CXCL13: variants seen among roughly 807,000 people sequenced by gnomAD.
CXCL13 encodes the protein C-X-C motif chemokine 13.
CXCL13 carries 7 observed loss-of-function variants against 12.2 expected under a neutral mutation model. The ratio of observed to expected loss-of-function variants is 0.57; its 90% CI spans 0.33 to 1.07. The LOEUF (loss-of-function observed/expected upper bound fraction) is 1.07. Ranked by LOEUF, CXCL13 falls within the 50% of genes least tolerant of loss-of-function variation. The pLI is 0.04. For synonymous variants in CXCL13, 47 were observed against 42.4 expected (o/e 1.11, Z -0.42); for missense variants, 113 against 127.4 (o/e 0.89, Z 0.55).
At chr4:77,566,668 G>A (rs1418875210) in intron 1 of CXCL13, among the ~76,000 whole-genome samples, 2 of 151,900 alleles carry the variant, frequency 1.3e-5, no homozygotes, top group Non-Finnish European at 2.9e-5. Flanking sequence ...TAAAATACTA[G>A]GCTATTTCAG....
At chr4:77,516,685 G>A (rs553331092) in intron 1 of CXCL13, among the ~76,000 whole-genome samples, 1 of 152,082 alleles carries the variant, frequency 6.6e-6, no homozygotes, top group Non-Finnish European at 1.5e-5. Flanking sequence ...GTGTCTATTT[G>A]ATTCTTCTCT....
At chr4:77,512,433 A>C (rs1238750985) in intron 1 of CXCL13, among the ~76,000 whole-genome samples, 1 of 152,182 alleles carries the variant, frequency 6.6e-6, no homozygotes, top group Non-Finnish European at 1.5e-5. Context: ...TAATAAAGTA[A>C]TTGTCTATCC....
intron 1 of CXCL13, among the ~76,000 whole-genome samples, chr4:77,581,254 A>G (rs1436801865): frequency 6.6e-6 from 1 of 152,250 alleles, no homozygotes; most frequent in Non-Finnish European, 1.5e-5. Flanking sequence ...TGTAAATTAT[A>G]TATCAATAAA....
intron 1 of CXCL13, among the ~76,000 whole-genome samples, chr4:77,532,388 G>T (rs1472596758): frequency 6.6e-6 from 1 of 152,110 alleles, no homozygotes; most frequent in African/African-American, 2.4e-5. Flanking sequence ...CTCTCTTCTG[G>T]CTTATAGAAT....
At chr4:77,534,282 A>T (rs1373904101) in intron 1 of CXCL13, among the ~76,000 whole-genome samples, 1 of 152,194 alleles carries the variant, frequency 6.6e-6, no homozygotes, top group East Asian at 1.9e-4. Flanking sequence ...GTTCACACAA[A>T]AACCTGCACA....
In CXCL13 at chr4:77,611,819, C is replaced by A; in HGVS notation, c.*780C>A. 2 of 397,400 alleles carry A rather than the reference C, an allele frequency of 5.0e-6. No individual in the cohort carries two copies. The highest frequency in any genetic ancestry group is 8.9e-6 in the Non-Finnish European group (2 of 225,736). 24.6% of individuals were successfully genotyped at this position (397,400 alleles called of 1,614,324 possible). A position where few individuals can be genotyped will look rare whatever the true frequency, so the allele number is the denominator to read the frequency against. On this transcript the variant is annotated 3_prime_UTR_variant, in exon 4 of 4. Coordinates refer to ENST00000682537, the MANE Select transcript of CXCL13 (RefSeq NM_001371558.1). The stretch of plus-strand genomic sequence containing the variant: ...TCTAATGACATTCAATAAAGTTGAG[C>A]AAACATTTTACTTAATTATGAGCAA...
At chr4:77,565,082 C>T (rs1249719589) in intron 1 of CXCL13, among the ~76,000 whole-genome samples, 3 of 152,192 alleles carry the variant, frequency 2.0e-5, no homozygotes, top group Non-Finnish European at 4.4e-5. Flanking sequence ...TTTTGTAGCT[C>T]AACTGTCTTC....
At chr4:77,610,086 A>G (rs1253339699) in intron 2 of CXCL13, among the ~76,000 whole-genome samples, 1 of 152,202 alleles carries the variant, frequency 6.6e-6, no homozygotes, top group East Asian at 1.9e-4. Context: ...AGCAGGAAAA[A>G]TCTTGCTAAG....
intron 1 of CXCL13, among the ~76,000 whole-genome samples, chr4:77,519,216 C>T (rs1724510848): frequency 6.6e-6 from 1 of 152,176 alleles, no homozygotes; most frequent in African/African-American, 2.4e-5. Flanking sequence ...GGGGATGCCT[C>T]CCAGTTAGGC....
At chr4:77,531,454 C>G (rs1724915400) in intron 1 of CXCL13, among the ~76,000 whole-genome samples, 1 of 151,836 alleles carries the variant, frequency 6.6e-6, no homozygotes, top group South Asian at 2.1e-4. Context: ...CTGAGGAGTG[C>G]TTTACTTCCA....
intron 1 of CXCL13, among the ~76,000 whole-genome samples, chr4:77,516,449 AG>A (rs1366051224): frequency 6.7e-6 from 1 of 149,830 alleles, no homozygotes. Context: ...GACTCCTTTT[AG>A]TGGGTAAGCT....
intron 1 of CXCL13, among the ~76,000 whole-genome samples, chr4:77,532,054 T>C (rs1724941242): frequency 6.6e-6 from 1 of 152,180 alleles, no homozygotes; most frequent in Non-Finnish European, 1.5e-5. Flanking sequence ...ACATTTAAGG[T>C]TAATATTGTT....
intron 1 of CXCL13, among the ~76,000 whole-genome samples, chr4:77,564,595 T>A (rs1725881242): frequency 1.3e-5 from 2 of 152,210 alleles, no homozygotes; most frequent in African/African-American, 4.8e-5. Context: ...ACAACAACCC[T>A]TTAAGGCATG....
Position 77,524,621 on chromosome 4 carries a change from CTG to C in CXCL13, c.-43+12835_-43+12836del, listed in dbSNP as rs370056955. On this transcript the variant is annotated intron_variant, in intron 1 of 4. Coordinates refer to the CXCL13 transcript ENST00000286758. The stretch of plus-strand genomic sequence containing the variant: ...AGTGTCCTGTTATTCCAGGTACAGT[CTG>C]TTGCAGCTTCCCTTGGCTAGGAAAG... Among the ~76,000 whole-genome samples the C allele has an allele frequency of 1.1e-4, 16 of 152,314 alleles. No homozygotes were observed. In the East Asian group the frequency reaches 2.5e-3, roughly 24 times the overall value.
At chr4:77,580,062 T>C (rs1292932217) in intron 1 of CXCL13, among the ~76,000 whole-genome samples, 1 of 152,036 alleles carries the variant, frequency 6.6e-6, no homozygotes, top group Non-Finnish European at 1.5e-5. Context: ...AGGTGCAGGT[T>C]GATTATTAAA....
chr4:77,556,833 CAT>C (rs2109810160), intron 1 of CXCL13, among the ~76,000 whole-genome samples: 1 of 152,118 alleles, frequency 6.6e-6, no homozygotes, highest in African/African-American at 2.4e-5. Context: ...GCCTGGGAAA[CAT>C]AGAGGAGCTT....
At chr4:77,579,020 C>T (rs570440294) in intron 1 of CXCL13, among the ~76,000 whole-genome samples, 8 of 152,304 alleles carry the variant, frequency 5.3e-5, no homozygotes, top group African/African-American at 1.9e-4. Flanking sequence ...TGATCCTGCC[C>T]CAGCAAATGA....
chr4:77,515,238 C>G (rs543815566), intron 1 of CXCL13, among the ~76,000 whole-genome samples: 2 of 152,090 alleles, frequency 1.3e-5, no homozygotes, highest in Non-Finnish European at 2.9e-5. Flanking sequence ...AGTCAGGTAG[C>G]GTGATGCCTC....
intron 1 of CXCL13, among the ~76,000 whole-genome samples, chr4:77,554,689 T>G (rs1005419373): frequency 6.6e-6 from 1 of 152,112 alleles, no homozygotes; most frequent in Non-Finnish European, 1.5e-5. Flanking sequence ...CAAGGCAACA[T>G]ATATGCAGGA....
Sources: allele counts gnomAD v4.1 joint callset (sites outside exome capture counted in the v4.1 genomes callset), GRCh38; gene constraint gnomAD v4.1.1; transcripts MANE v1.5; gene names NCBI Gene and HGNC (gene_info 2026-07-23, HGNC 2026-07-21).